The following HDX variants were observed in gnomAD, a reference collection of about 807,000 sequenced individuals.
HDX encodes highly divergent homeobox.
In HDX, 19 loss-of-function variants were observed where a neutral mutation model predicts 45.2. The observed-to-expected ratio is 0.42, with a 90% CI of 0.29 to 0.62. HDX has a LOEUF of 0.62. Ranked by LOEUF, HDX falls within the 20% of genes least tolerant of loss-of-function variation. The pLI is 0.20. For missense variants in HDX, 532 were observed against 493.9 expected, an observed-to-expected ratio of 1.08 and a Z score of -0.73; for synonymous variants, 188 against 172.8, an observed-to-expected ratio of 1.09 and a Z score of -0.69.
chrX:84,467,645 A>G (rs1017101066), intron 4 of HDX, among the ~76,000 whole-genome samples: 1 of 109,110 alleles, frequency 9.2e-6, no homozygotes. Flanking sequence ...AAAAAGGAAA[A>G]GAAAAGAAAA....
intron 5 of HDX, among the ~76,000 whole-genome samples, chrX:84,406,257 T>C (rs7066587): frequency 0.19 from 20,609 of 110,313 alleles, 1,930 homozygotes; most frequent in East Asian, 0.68. Context: ...GGTCCATATT[T>C]TCATGGAATT....
chrX:84,456,335 T>C (rs752387595), intron 4 of HDX, among the ~76,000 whole-genome samples: 1 of 111,389 alleles, frequency 9.0e-6, no homozygotes, highest in East Asian at 2.8e-4. Flanking sequence ...TAATGGGATA[T>C]AAGATATTAT....
chrX:84,433,199 G>C (rs1252687503), intron 5 of HDX, among the ~76,000 whole-genome samples: 2 of 110,714 alleles, frequency 1.8e-5, no homozygotes, highest in African/African-American at 6.6e-5. Flanking sequence ...TTTTTCTCTT[G>C]TTGCCTGTGC....
intron 8 of HDX, among the ~76,000 whole-genome samples, chrX:84,336,330 A>G (rs1427313887): frequency 9.0e-6 from 1 of 111,067 alleles, no homozygotes; most frequent in Non-Finnish European, 1.9e-5. Context: ...CAATTTAACT[A>G]TTAATAGGAG....
intron 4 of HDX, among the ~76,000 whole-genome samples, chrX:84,455,264 C>T (rs936622620): frequency 9.0e-6 from 1 of 111,708 alleles, no homozygotes; most frequent in African/African-American, 3.3e-5. Context: ...AAATATGGGA[C>T]CTTTCACACT....
intron 2 of HDX, among the ~76,000 whole-genome samples, chrX:84,485,721 A>G (rs371855242): frequency 8.9e-6 from 1 of 111,800 alleles, no homozygotes; most frequent in East Asian, 2.8e-4. Flanking sequence ...ATGTATTTTG[A>G]AGATCTGTTG....
chrX:84,429,126 T>C (rs775323809), intron 5 of HDX, among the ~76,000 whole-genome samples: 1 of 110,894 alleles, frequency 9.0e-6, no homozygotes, highest in Non-Finnish European at 1.9e-5. Context: ...TGTTATCCTG[T>C]CAATTATATG....
chrX:84,382,211 A>C (rs908976027), intron 5 of HDX, among the ~76,000 whole-genome samples: 3 of 111,412 alleles, frequency 2.7e-5, no homozygotes, highest in African/African-American at 9.8e-5. Flanking sequence ...TCTGGCGAGG[A>C]TGTGGAAAAA....
At chrX:84,358,942 T>A (rs2037552489) in intron 6 of HDX, among the ~76,000 whole-genome samples, 2 of 111,460 alleles carry the variant, frequency 1.8e-5, no homozygotes. Context: ...AACCTACACT[T>A]GCTCACAAGC....
At chrX:84,438,337 A>G (rs2039684890) in intron 5 of HDX, among the ~76,000 whole-genome samples, 1 of 111,685 alleles carries the variant, frequency 9.0e-6, no homozygotes, top group African/African-American at 3.2e-5. Context: ...TCCTAGCTTC[A>G]TTTTTATGTA....
intron 1 of HDX, among the ~76,000 whole-genome samples, chrX:84,489,690 GGA>G (rs1215077486): frequency 8.9e-6 from 1 of 111,970 alleles, no homozygotes; most frequent in African/African-American, 3.2e-5. Flanking sequence ...TATGGTAGAG[GGA>G]GAGAGTTCCT....
At chrX:84,356,382 G>T (rs935364645) in intron 6 of HDX, among the ~76,000 whole-genome samples, 2 of 111,177 alleles carry the variant, frequency 1.8e-5, no homozygotes, top group African/African-American at 3.3e-5. Context: ...ATAGTAAACA[G>T]TTCCTTATTC....
At chrX:84,463,642 CAATATCTTCACA>C (rs1303094380) in intron 4 of HDX, among the ~76,000 whole-genome samples, 2 of 110,733 alleles carry the variant, frequency 1.8e-5, no homozygotes, top group African/African-American at 6.6e-5. Context: ...CAAAGTGCCC[CAATATCTTCACA>C]AAGATGATCA....
intron 9 of HDX, among the ~76,000 whole-genome samples, chrX:84,333,315 G>C (rs1475277536): frequency 9.0e-6 from 1 of 110,887 alleles, no homozygotes; most frequent in Non-Finnish European, 1.9e-5. Context: ...TATTTGCTTT[G>C]GAAATTGTTT....
intron 6 of HDX, among the ~76,000 whole-genome samples, chrX:84,350,165 A>G (rs1343028970): frequency 9.0e-6 from 1 of 111,606 alleles, no homozygotes; most frequent in Non-Finnish European, 1.9e-5. Context: ...TCTGTTATTG[A>G]TTTCTACTTT....
At position 84,333,840 on chromosome X, in the gene HDX, T is replaced by G. The variant is rs559130959; in HGVS notation, c.1743A>C (p.Lys581Asn). The change falls in exon 9 of 11, where the codon AAA (lysine) becomes AAC (asparagine). Residue 581 changes from lysine (K) to asparagine (N), a missense_variant and splice_region_variant. This residue lies in a region of HDX where 151 missense variants were observed against 131.8 expected (regional missense o/e 1.15). Coordinates refer to ENST00000373177, the MANE Select transcript of HDX (RefSeq NM_001177479.2). ...TTTCTTCATCATCAATAATTTCTATTTTCTGTAACACAAGTAGAGAAGTTA... is the reference window on the plus strand; with the variant it reads ...TTTCTTCATCATCAATAATTTCTATGTTCTGTAACACAAGTAGAGAAGTTA... Reference protein sequence around the residue: ...DHHAVTTDNVKIEIIDDEESD... With the variant: ...DHHAVTTDNVNIEIIDDEESD... The G allele has an allele frequency of 2.0e-5, 17 of 854,840 alleles. No homozygotes were observed. Among genetic ancestry groups the G allele is most frequent in the Middle Eastern group, 2.8e-4 (1 of 3,523 alleles). The allele number at this position is 854,840 out of a possible 1,213,427, so 70.4% of individuals were successfully genotyped here. A position where few individuals can be genotyped will look rare whatever the true frequency, so the allele number is the denominator to read the frequency against.
intron 5 of HDX, among the ~76,000 whole-genome samples, chrX:84,391,392 T>G (rs1180303816): frequency 8.9e-6 from 1 of 112,138 alleles, no homozygotes; most frequent in Non-Finnish European, 1.9e-5. Flanking sequence ...CTATTGTGAA[T>G]ACTGCTGTGA....
chrX:84,417,218 G>GAGAAAGAAAGAAAGAA (rs1556012085), intron 5 of HDX, among the ~76,000 whole-genome samples: 1,484 of 100,265 alleles, frequency 0.015, 15 homozygotes, highest in African/African-American at 0.022. Context: ...AAAAAAAAGA[G>GAGAAAGAAAGAAAGAA]AGAAAGAAAG....
intron 4 of HDX, among the ~76,000 whole-genome samples, chrX:84,452,570 C>A (rs1174400554): frequency 9.2e-6 from 1 of 108,775 alleles, no homozygotes; most frequent in Non-Finnish European, 1.9e-5. Context: ...GAAAGCATCT[C>A]ATTACCTGAC....
Sources: gnomAD v4.1 joint callset for allele counts (sites outside exome capture counted in the v4.1 genomes callset) on GRCh38, gnomAD v4.1.1 for gene constraint, gnomAD v4.1.1 regional missense constraint, MANE v1.5 for transcripts, NCBI Gene and HGNC (gene_info 2026-07-23, HGNC 2026-07-21) for gene names.